Variants in CAMK1D observed in about 807,000 individuals in gnomAD.
The protein encoded by CAMK1D is calcium/calmodulin-dependent protein kinase type 1D.
A neutral mutation model predicts 47.7 loss-of-function variants in CAMK1D; 9 were observed. The ratio of observed to expected loss-of-function variants is 0.19; its 90% CI spans 0.11 to 0.33. The LOEUF is 0.33. Ranked by LOEUF, CAMK1D falls within the 10% of genes least tolerant of loss-of-function variation. CAMK1D has a pLI of 1.00. For synonymous variants in CAMK1D, 184 were observed against 184.9 expected, an observed-to-expected ratio of 0.99 and a Z score of 0.04; for missense variants, 291 against 488.7, an observed-to-expected ratio of 0.60 and a Z score of 3.81.
chr10:12,764,696 C>G (rs912823110), intron 4 of CAMK1D, among the ~76,000 whole-genome samples: 3 of 152,228 alleles, frequency 2.0e-5, no homozygotes, highest in Admixed American at 2.0e-4. Context: ...CCCTAAACTT[C>G]CAGAGAAAAC....
At chr10:12,703,038 G>C (rs939063990) in intron 3 of CAMK1D, among the ~76,000 whole-genome samples, 1 of 152,192 alleles carries the variant, frequency 6.6e-6, no homozygotes, top group Non-Finnish European at 1.5e-5. Context: ...CATTACAGTA[G>C]GTCAGAGTTG....
Position 12,814,350 on chromosome 10 carries a change from CACTT to C in CAMK1D, c.754+46_754+49del, listed in dbSNP as rs779127193. The C allele has an allele frequency of 1.4e-5, 18 of 1,260,412 alleles. No individual in the cohort carries two copies. In the South Asian group the frequency reaches 1.6e-4, roughly 11 times the overall value. 78.1% of individuals were successfully genotyped at this position (1,260,412 alleles called of 1,614,324 possible). On this transcript the variant is annotated intron_variant, in intron 7 of 10. Transcript: ENST00000619168. The stretch of plus-strand genomic sequence containing the variant: ...AGCTCCCAGTGGGCGGCCCCCGCGA[CACTT>C]ACACCCAGACCACGTGACCCTGACA...
chr10:12,375,279 G>A (rs964719347), intron 1 of CAMK1D, among the ~76,000 whole-genome samples: 3 of 152,186 alleles, frequency 2.0e-5, no homozygotes, highest in African/African-American at 7.2e-5. Context: ...TTGTCTCCAC[G>A]GTGGTTTAGA....
At chr10:12,515,140 G>C (rs1835155559) in intron 1 of CAMK1D, among the ~76,000 whole-genome samples, 1 of 152,086 alleles carries the variant, frequency 6.6e-6, no homozygotes, top group Non-Finnish European at 1.5e-5. Context: ...TGGGATTACA[G>C]CATGAGCCAC....
intron 1 of CAMK1D, among the ~76,000 whole-genome samples, chr10:12,504,414 G>T (rs903182577): frequency 6.6e-6 from 1 of 152,126 alleles, no homozygotes; most frequent in Non-Finnish European, 1.5e-5. Flanking sequence ...GAGGTCAGGC[G>T]GCGATGGGTA....
chr10:12,520,965 AGG>A (rs1159175720), intron 1 of CAMK1D, among the ~76,000 whole-genome samples: 2 of 103,108 alleles, frequency 1.9e-5, no homozygotes, highest in African/African-American at 3.7e-5. Flanking sequence ...GGGGAGGGGG[AGG>A]GGGAGAGCTT....
chr10:12,528,302 G>A (rs1481073253), intron 1 of CAMK1D, among the ~76,000 whole-genome samples: 2 of 152,234 alleles, frequency 1.3e-5, no homozygotes, highest in Non-Finnish European at 2.9e-5. Context: ...ATGCTAGCTA[G>A]AAAATTGCCA....
intron 1 of CAMK1D, among the ~76,000 whole-genome samples, chr10:12,434,867 G>A (rs2131997782): frequency 6.6e-6 from 1 of 152,268 alleles, no homozygotes; most frequent in Middle Eastern, 3.4e-3. Context: ...CCTTGGGCAT[G>A]ACCCTGACCT....
At chr10:12,692,875 G>A (rs1832984437) in intron 3 of CAMK1D, among the ~76,000 whole-genome samples, 1 of 152,196 alleles carries the variant, frequency 6.6e-6, no homozygotes, top group Admixed American at 6.5e-5. Context: ...AGTGAATAAG[G>A]CAGGCAGGGA....
chr10:12,616,509 T>G (rs921139215), intron 2 of CAMK1D, among the ~76,000 whole-genome samples: 12 of 151,168 alleles, frequency 7.9e-5, no homozygotes, highest in African/African-American at 2.4e-4. Context: ...TTGTTTGTTT[T>G]TTGTTGTTGT....
intron 1 of CAMK1D, among the ~76,000 whole-genome samples, chr10:12,445,954 G>T (rs1229600872): frequency 2.0e-5 from 3 of 152,080 alleles, no homozygotes; most frequent in Non-Finnish European, 4.4e-5. Context: ...TTTTGAAAAA[G>T]AATGAAAAGT....
chr10:12,396,328 C>T (rs1006755619), intron 1 of CAMK1D, among the ~76,000 whole-genome samples: 5 of 152,206 alleles, frequency 3.3e-5, no homozygotes, highest in African/African-American at 9.6e-5. Flanking sequence ...CACTGTTCCT[C>T]TTGGGGAGGT....
At chr10:12,540,209 C>T (rs546982358) in intron 1 of CAMK1D, among the ~76,000 whole-genome samples, 7 of 151,660 alleles carry the variant, frequency 4.6e-5, no homozygotes, top group Admixed American at 6.6e-5. Flanking sequence ...GGATTACAGG[C>T]GTGAGCCACT....
At chr10:12,409,118 A>G (rs766221142) in intron 1 of CAMK1D, among the ~76,000 whole-genome samples, 4 of 151,814 alleles carry the variant, frequency 2.6e-5, no homozygotes, top group Non-Finnish European at 5.9e-5. Flanking sequence ...CAACCTCCCA[A>G]AGTGCTGGTA....
At chr10:12,635,211 G>A (rs569331891) in intron 2 of CAMK1D, among the ~76,000 whole-genome samples, 69 of 152,270 alleles carry the variant, frequency 4.5e-4, no homozygotes, top group African/African-American at 1.6e-3. Flanking sequence ...TGAGAGCCTG[G>A]GTATACCTGC....
At chr10:12,462,856 C>A (rs1564354901) in intron 1 of CAMK1D, among the ~76,000 whole-genome samples, 1 of 152,178 alleles carries the variant, frequency 6.6e-6, no homozygotes. Context: ...CCACCATGCC[C>A]AGCTTGAGCT....
chr10:12,483,097 A>G (rs1834112550), intron 1 of CAMK1D, among the ~76,000 whole-genome samples: 1 of 152,048 alleles, frequency 6.6e-6, no homozygotes, highest in Admixed American at 6.6e-5. Flanking sequence ...CCTGCCCTGC[A>G]TTGCTGTCTG....
intron 3 of CAMK1D, among the ~76,000 whole-genome samples, chr10:12,729,522 C>T (rs1834798995): frequency 6.6e-6 from 1 of 152,010 alleles, no homozygotes; most frequent in Non-Finnish European, 1.5e-5. Context: ...CTTGTAGTCC[C>T]AGCTACGTGG....
chr10:12,512,547 C>T (rs7920636), intron 1 of CAMK1D, among the ~76,000 whole-genome samples: 2,686 of 152,262 alleles, frequency 0.018, 76 homozygotes, highest in African/African-American at 0.061. Context: ...GAGCTCATTA[C>T]TGAAGCATTA....
Sources: gnomAD v4.1 joint callset for allele counts (sites outside exome capture counted in the v4.1 genomes callset) on GRCh38, gnomAD v4.1.1 for gene constraint, MANE v1.5 for transcripts, NCBI Gene and HGNC (gene_info 2026-07-23, HGNC 2026-07-21) for gene names.